The following IL1RAPL1 variants were observed in gnomAD, a reference collection of about 807,000 sequenced individuals.
The protein encoded by IL1RAPL1 is interleukin-1 receptor accessory protein-like 1.
In IL1RAPL1, 3 loss-of-function variants were observed where a neutral mutation model predicts 48.4. The ratio of observed to expected loss-of-function variants is 0.06; its 90% CI spans 0.03 to 0.16. The LOEUF (loss-of-function observed/expected upper bound fraction) is 0.16, where lower values mean the gene tolerates loss of function less well. Among genes scored for constraint, IL1RAPL1 ranks in the 10% least tolerant of loss-of-function variants. The probability of loss-of-function intolerance (pLI) is 1.00; values close to 1 mark genes in which losing one functional copy is unlikely to be tolerated. For synonymous variants in IL1RAPL1, 185 were observed against 187.7 expected (o/e 0.99, Z 0.12); for missense variants, 349 against 530.6 (o/e 0.66, Z 3.36).
chrX:28,826,701 G>A (rs1262741374), intron 2 of IL1RAPL1, among the ~76,000 whole-genome samples: 1 of 111,133 alleles, frequency 9.0e-6, no homozygotes, highest in Admixed American at 9.6e-5. Context: ...CCAGAACAGA[G>A]TCAGGATCAT....
At chrX:29,603,550 C>A (rs1420992352) in intron 5 of IL1RAPL1, among the ~76,000 whole-genome samples, 1 of 111,550 alleles carries the variant, frequency 9.0e-6, no homozygotes, top group Non-Finnish European at 1.9e-5. Flanking sequence ...GCTGATCTCG[C>A]AGCCCAATCA....
intron 1 of IL1RAPL1, among the ~76,000 whole-genome samples, chrX:28,711,394 C>A (rs1389372123): frequency 9.0e-6 from 1 of 111,359 alleles, no homozygotes; most frequent in Non-Finnish European, 1.9e-5. Context: ...TGTGAGATTG[C>A]TATTATACCC....
chrX:28,739,530 A>G (rs764342826), intron 1 of IL1RAPL1, among the ~76,000 whole-genome samples: 2 of 111,825 alleles, frequency 1.8e-5, no homozygotes, highest in Non-Finnish European at 3.8e-5. Context: ...TTATTAATCT[A>G]GACTAGGCTA....
intron 5 of IL1RAPL1, among the ~76,000 whole-genome samples, chrX:29,563,448 G>C (rs1922305225): frequency 8.9e-6 from 1 of 111,785 alleles, no homozygotes; most frequent in Non-Finnish European, 1.9e-5. Flanking sequence ...TAATCTACAA[G>C]TCAGATTTTA....
At chrX:29,044,442 T>A (rs1367451406) in intron 2 of IL1RAPL1, among the ~76,000 whole-genome samples, 1 of 109,790 alleles carries the variant, frequency 9.1e-6, no homozygotes, top group African/African-American at 3.3e-5. Flanking sequence ...AACAAATAAA[T>A]AAATAAATAA....
intron 2 of IL1RAPL1, among the ~76,000 whole-genome samples, chrX:28,800,425 A>C (rs188706810): frequency 3.9e-4 from 44 of 111,947 alleles, no homozygotes; most frequent in South Asian, 1.1e-3. Flanking sequence ...AATTGTCCTC[A>C]TATTGAGAGC....
At chrX:29,469,648 T>C (rs1934900905) in intron 5 of IL1RAPL1, among the ~76,000 whole-genome samples, 1 of 111,449 alleles carries the variant, frequency 9.0e-6, no homozygotes, top group African/African-American at 3.3e-5. Flanking sequence ...ACTCAGAAAA[T>C]ACAGTGCAAA....
chrX:28,808,141 G>T (rs1317418991), intron 2 of IL1RAPL1, among the ~76,000 whole-genome samples: 1 of 111,479 alleles, frequency 9.0e-6, no homozygotes, highest in East Asian at 2.8e-4. Context: ...ATGAAGAAAA[G>T]GATGGACAAT....
chrX:29,658,532 G>A (rs1396119180), intron 5 of IL1RAPL1, among the ~76,000 whole-genome samples: 1 of 112,088 alleles, frequency 8.9e-6, no homozygotes, highest in Non-Finnish European at 1.9e-5. Flanking sequence ...ATTTTTTAAT[G>A]AGAAAAAACT....
chrX:28,755,582 C>G (rs778186604), intron 1 of IL1RAPL1, among the ~76,000 whole-genome samples: 15 of 111,691 alleles, frequency 1.3e-4, no homozygotes, highest in African/African-American at 4.5e-4. Context: ...ACACATCTCT[C>G]CCTATCACAT....
At chrX:29,584,020 C>T (rs751110026) in intron 5 of IL1RAPL1, among the ~76,000 whole-genome samples, 8 of 111,451 alleles carry the variant, frequency 7.2e-5, no homozygotes, top group Admixed American at 1.9e-4. Context: ...AAGATTGCTC[C>T]TCTGGCACTG....
chrX:29,438,210 G>A (rs1204892669), intron 5 of IL1RAPL1, among the ~76,000 whole-genome samples: 1 of 111,141 alleles, frequency 9.0e-6, no homozygotes, highest in African/African-American at 3.3e-5. Context: ...GGTGTCTACA[G>A]GGTCTATAGC....
chrX:29,174,056 G>A (rs930148490), intron 2 of IL1RAPL1, among the ~76,000 whole-genome samples: 2 of 110,287 alleles, frequency 1.8e-5, no homozygotes, highest in Non-Finnish European at 3.8e-5. Flanking sequence ...GAGTAGCTGG[G>A]ATTACAGGCA....
chrX:29,917,633 T>G (rs1481463541), intron 7 of IL1RAPL1, 37 bp downstream of exon 7: 1 of 1,114,419 alleles, frequency 9.0e-7, no homozygotes, highest in African/African-American at 1.8e-5. Flanking sequence ...TAGTCAAGAT[T>G]AACATTTACT....
intron 5 of IL1RAPL1, among the ~76,000 whole-genome samples, chrX:29,667,111 A>G (rs1020870212): frequency 3.6e-5 from 4 of 112,169 alleles, no homozygotes; most frequent in Non-Finnish European, 7.5e-5. Context: ...CTATTACCCA[A>G]ACTTTCCTTT....
chrX:28,596,929 G>A lies in IL1RAPL1; in HGVS notation c.-25+8882G>A, dbSNP rs1412426052. Among the ~76,000 whole-genome samples, 5 of 111,112 alleles carry A rather than the reference G, an allele frequency of 4.5e-5. No individual in the cohort carries two copies. In the South Asian group the frequency reaches 1.1e-3, roughly 25 times the overall value. The stretch of plus-strand genomic sequence containing the variant: ...CAAGTATGCTATGGGCTCAAGAAAC[G>A]TTCAGGACACATGCACGTAGAGGGA... On this transcript the variant is annotated intron_variant, in intron 1 of 10. Coordinates refer to ENST00000378993, the MANE Select transcript of IL1RAPL1 (RefSeq NM_014271.4).
intron 2 of IL1RAPL1, among the ~76,000 whole-genome samples, chrX:29,268,756 C>A (rs945736430): frequency 8.9e-6 from 1 of 112,056 alleles, no homozygotes; most frequent in African/African-American, 3.2e-5. Context: ...CAAATCTCAG[C>A]CCAGCTAGAA....
At chrX:29,895,022 C>G (rs1235968784) in intron 6 of IL1RAPL1, among the ~76,000 whole-genome samples, 2 of 108,380 alleles carry the variant, frequency 1.8e-5, no homozygotes, top group African/African-American at 6.7e-5. Flanking sequence ...CGGGGTTTCA[C>G]CATATTGGCC....
chrX:29,163,393 G>C (rs1929725925), intron 2 of IL1RAPL1, among the ~76,000 whole-genome samples: 1 of 111,821 alleles, frequency 8.9e-6, no homozygotes, highest in Admixed American at 9.5e-5. Flanking sequence ...CACACTTTCA[G>C]TGTCAAGGCT....
Sources: allele counts gnomAD v4.1 joint callset (sites outside exome capture counted in the v4.1 genomes callset), GRCh38; gene constraint gnomAD v4.1.1; transcripts MANE v1.5; gene names NCBI Gene and HGNC (gene_info 2026-07-23, HGNC 2026-07-21).